PARP4: variants seen among roughly 807,000 people sequenced by gnomAD.
PARP4 encodes the protein protein mono-ADP-ribosyltransferase PARP4.
Under a neutral mutation model 187.7 loss-of-function variants are expected in PARP4, and 120 were observed. The observed-to-expected ratio is 0.64, with a 90% CI of 0.55 to 0.74. The LOEUF is 0.74. Among genes scored for constraint, PARP4 ranks in the 30% least tolerant of loss-of-function variants. The pLI is 0.00. For synonymous variants in PARP4, 654 were observed against 740.9 expected (o/e 0.88, Z 1.90); for missense variants, 1,836 against 2,070.5 (o/e 0.89, Z 2.20).
At chr13:24,460,279 A>C in intron 17 of PARP4, 143 bp from the exon 18 acceptor site, 1 of 693,044 alleles carries the variant, frequency 1.4e-6, no homozygotes, top group Non-Finnish European at 2.4e-6. Context: ...TAAAAGACAC[A>C]TTGGTGGGGC....
chr13:24,511,535 T>G (rs1870019128), intron 1 of PARP4, among the ~76,000 whole-genome samples: 1 of 152,162 alleles, frequency 6.6e-6, no homozygotes, highest in Non-Finnish European at 1.5e-5. Context: ...TCAGCGCGCC[T>G]CCTCACAAAC....
At position 24,449,818 on chromosome 13, in the gene PARP4, C is replaced by G. The variant is rs775040101; in HGVS notation, c.3015-1G>C. On this transcript the variant is annotated splice_acceptor_variant, in intron 24 of 33. Transcript: ENST00000381989. LOFTEE classifies it high-confidence loss of function. ...TAAGACGTGACGATTTGCTGTAGAA[C>G]TGATCACATTTCACATGTTTTAATT... The G allele has an allele frequency of 2.6e-6, 4 of 1,556,698 alleles. No individual in the cohort carries two copies. The highest frequency in any genetic ancestry group is 1.4e-5 in the African/African-American group (1 of 73,316).
chr13:24,509,629 T>C (rs138146535), intron 1 of PARP4, among the ~76,000 whole-genome samples: 5 of 152,352 alleles, frequency 3.3e-5, no homozygotes, highest in African/African-American at 1.2e-4. Flanking sequence ...GTTACATACA[T>C]ATTATGGGTC....
At chr13:24,505,004 T>TA (rs1491487840) in intron 1 of PARP4, among the ~76,000 whole-genome samples, 8 of 58,054 alleles carry the variant, frequency 1.4e-4, no homozygotes, top group African/African-American at 4.0e-4. Context: ...ACACCCCCGC[T>TA]TTTTTTTTTT....
intron 33 of PARP4, among the ~76,000 whole-genome samples, chr13:24,422,707 C>G (rs978694851): frequency 2.0e-5 from 3 of 152,068 alleles, no homozygotes; most frequent in Non-Finnish European, 4.4e-5. Context: ...CTCCTTGGTT[C>G]AAGTGATTCT....
rs1429587966 is a variant in PARP4, at chr13:24,434,664, T to G, written c.4477A>C (p.Thr1493Pro). ...AGAAGACAGAGATCTACTGGGGTAG[T>G]CCGGGACTGACTGCAAAGAGCCTCA... ...LPEALCSQSR[T>P]TPVDLCLLEE... The change falls in exon 31 of 34, where the codon ACT becomes CCT. Residue 1493 changes from threonine to proline, a missense_variant. Physicochemically the swap from Thr to Pro is conservative, Grantham distance 38. Coordinates refer to ENST00000381989, the MANE Select transcript of PARP4 (RefSeq NM_006437.4). The G allele has an allele frequency of 1.9e-6, 3 of 1,614,058 alleles. No homozygotes were observed. The Admixed American group carries it at 5.0e-5, about 27-fold the overall frequency.
chr13:24,434,509 T>C lies in PARP4; in HGVS notation c.4632A>G (p.Thr1544=). The change falls in exon 31 of 34, where the codon ACA becomes ACG. Residue 1544 remains threonine (T), a synonymous_variant. Transcript: ENST00000381989. ...GAAAGCACAGGATACTGTCATCTTT[T>C]GTATCACATTTTATTTGTAAAAAGC... is the stretch of plus-strand genomic sequence containing the variant. ...DSCFLQIKCD[T]KDDSILCFLE... is the part of the protein sequence containing the mutation. 2 of 1,614,044 alleles carry C rather than the reference T, an allele frequency of 1.2e-6. No individual in the cohort carries two copies. Among genetic ancestry groups the C allele is most frequent in the Middle Eastern group, 1.6e-4 (1 of 6,062 alleles).
chr13:24,493,554 G>A, intron 8 of PARP4, 42 bp downstream of exon 8: 1 of 1,583,624 alleles, frequency 6.3e-7, no homozygotes, highest in Non-Finnish European at 8.6e-7. Context: ...TCAACCAGGA[G>A]GCAGATTTTT....
chr13:24,486,887 G>C (rs1284617977), intron 10 of PARP4, among the ~76,000 whole-genome samples: 1 of 151,034 alleles, frequency 6.6e-6, no homozygotes, highest in South Asian at 2.1e-4. Context: ...GGGGCGGGGG[G>C]TGGTGTAGAG....
chr13:24,427,556 A>G (rs985430358), intron 32 of PARP4, among the ~76,000 whole-genome samples: 4 of 152,162 alleles, frequency 2.6e-5, no homozygotes, highest in Non-Finnish European at 5.9e-5. Context: ...TTTAGGGAAG[A>G]AAAGAAAAAC....
rs1870041034 is a variant in PARP4 at position 24,426,207 on chromosome 13, C to T, written c.4979+259G>A. 3.9e-5 allele frequency among the ~76,000 whole-genome samples: 6 copies of T among 152,302 alleles called. No individual in the cohort carries two copies. In the South Asian group the frequency reaches 1.2e-3, roughly 32 times the overall value. On this transcript the variant is annotated intron_variant, in intron 33 of 33. Coordinates refer to ENST00000381989, the MANE Select transcript of PARP4 (RefSeq NM_006437.4). ...CAGACTGCAGTGAAGAGTACCACAT[C>T]CAGAGCCCAGAAGCGCCAGCCTCCA...
chr13:24,448,182 C>G (rs1234721972), intron 25 of PARP4, among the ~76,000 whole-genome samples: 1 of 151,950 alleles, frequency 6.6e-6, no homozygotes, highest in Non-Finnish European at 1.5e-5. Context: ...TGAATTCCAG[C>G]CTGGGTGAAA....
intron 23 of PARP4, among the ~76,000 whole-genome samples, chr13:24,453,320 A>T (rs945817772): frequency 1.3e-5 from 2 of 152,090 alleles, no homozygotes; most frequent in African/African-American, 4.8e-5. Context: ...AAAAAAACAA[A>T]GGACAGAAGA....
intron 28 of PARP4, among the ~76,000 whole-genome samples, chr13:24,443,230 C>T (rs1428354387): frequency 1.4e-5 from 2 of 147,742 alleles, no homozygotes; most frequent in East Asian, 3.9e-4. Flanking sequence ...TCTGCTGAGG[C>T]CCTGGTCTGC....
At chr13:24,479,993 G>A (rs1309234167) in intron 12 of PARP4, among the ~76,000 whole-genome samples, 2 of 151,900 alleles carry the variant, frequency 1.3e-5, no homozygotes, top group African/African-American at 4.9e-5. Flanking sequence ...CACTCACTGC[G>A]AAGGTCTGCA....
At chr13:24,475,358 A>G (rs772964244) in intron 15 of PARP4, 114 bp downstream of exon 15, 11 of 1,055,850 alleles carry the variant, frequency 1.0e-5, no homozygotes, top group Middle Eastern at 2.6e-4. Flanking sequence ...TCTCTTGAAT[A>G]AAATACATTT....
intron 12 of PARP4, among the ~76,000 whole-genome samples, chr13:24,479,368 G>A (rs1227652726): frequency 6.6e-6 from 1 of 152,120 alleles, no homozygotes; most frequent in East Asian, 1.9e-4. Context: ...ACCCCACTCT[G>A]GACTTCTCCC....
At chr13:24,439,146 A>G (rs1870787448) in intron 30 of PARP4, among the ~76,000 whole-genome samples, 1 of 152,090 alleles carries the variant, frequency 6.6e-6, no homozygotes, top group Non-Finnish European at 1.5e-5. Context: ...TTTAGAACCA[A>G]TTTTGAAAAT....
At chr13:24,505,358 G>A (rs892268542) in intron 1 of PARP4, among the ~76,000 whole-genome samples, 3 of 151,806 alleles carry the variant, frequency 2.0e-5, no homozygotes, top group Admixed American at 6.6e-5. Flanking sequence ...GCAAGATATC[G>A]ATAAGATGTT....
Sources: gnomAD v4.1 joint callset for allele counts (sites outside exome capture counted in the v4.1 genomes callset) on GRCh38, gnomAD v4.1.1 for gene constraint, MANE v1.5 for transcripts, NCBI Gene and HGNC (gene_info 2026-07-23, HGNC 2026-07-21) for gene names.